PRKN: variants seen among roughly 807,000 people sequenced by gnomAD.
PRKN encodes parkin RBR E3 ubiquitin protein ligase.
In PRKN, 56 loss-of-function variants were observed where a neutral mutation model predicts 59.5. That is an observed-to-expected ratio of 0.94 (90% CI 0.76 to 1.18). PRKN has a LOEUF of 1.18. Among genes scored for constraint, PRKN ranks in the 50% most tolerant of loss-of-function variants. The pLI, the probability that PRKN is intolerant of heterozygous loss-of-function variation, is 0.00. For missense variants in PRKN, 657 were observed against 596.4 expected (o/e 1.10, Z -1.06); for synonymous variants, 250 against 222.1 (o/e 1.13, Z -1.12).
chr6:162,237,356 C>A (rs1778782062), intron 3 of PRKN, among the ~76,000 whole-genome samples: 1 of 152,110 alleles, frequency 6.6e-6, no homozygotes, highest in South Asian at 2.1e-4. Context: ...CAAAACAGCA[C>A]CACCACCACC....
At chr6:161,947,127 C>T (rs916969871) in intron 6 of PRKN, among the ~76,000 whole-genome samples, 7 of 151,398 alleles carry the variant, frequency 4.6e-5, no homozygotes, top group South Asian at 2.1e-4. Context: ...AATGTTTATA[C>T]GTGTTATATG....
chr6:161,743,648 C>G (rs1450331693), intron 7 of PRKN, among the ~76,000 whole-genome samples: 1 of 152,174 alleles, frequency 6.6e-6, no homozygotes, highest in East Asian at 1.9e-4. Context: ...TAAGTCCCTG[C>G]AAGGCCGGGA....
At chr6:162,425,157 CT>C (rs1789171545) in intron 2 of PRKN, among the ~76,000 whole-genome samples, 1 of 152,002 alleles carries the variant, frequency 6.6e-6, no homozygotes, top group Non-Finnish European at 1.5e-5. Flanking sequence ...CAGAGATCTG[CT>C]CTTCCTTCGA....
intron 3 of PRKN, among the ~76,000 whole-genome samples, chr6:162,246,980 ATAT>A (rs1271706666): frequency 6.6e-6 from 1 of 152,140 alleles, no homozygotes; most frequent in Non-Finnish European, 1.5e-5. Flanking sequence ...AACAGACATA[ATAT>A]TTAGTTTACA....
intron 9 of PRKN, among the ~76,000 whole-genome samples, chr6:161,482,930 T>C (rs1791476537): frequency 6.6e-6 from 1 of 152,250 alleles, no homozygotes. Flanking sequence ...CTGTGGCATA[T>C]TTAATGTTTC....
intron 1 of PRKN, among the ~76,000 whole-genome samples, chr6:162,719,159 T>C (rs940659396): frequency 6.6e-6 from 1 of 152,208 alleles, no homozygotes; most frequent in Non-Finnish European, 1.5e-5. Flanking sequence ...ATAAAACACA[T>C]ATACTTCCCA....
At chr6:162,140,889 G>A (rs1781749779) in intron 4 of PRKN, among the ~76,000 whole-genome samples, 1 of 152,166 alleles carries the variant, frequency 6.6e-6, no homozygotes, top group East Asian at 1.9e-4. Context: ...AGCTCTTTGG[G>A]AGGCCGAGGC....
chr6:162,156,204 C>A (rs79252033), intron 4 of PRKN, among the ~76,000 whole-genome samples: 2,736 of 152,216 alleles, frequency 0.018, 81 homozygotes, highest in African/African-American at 0.061. Flanking sequence ...CTGAATAGGC[C>A]ACTGAATAAT....
At chr6:162,327,086 C>G (rs532302911) in intron 2 of PRKN, among the ~76,000 whole-genome samples, 2 of 152,258 alleles carry the variant, frequency 1.3e-5, no homozygotes, top group South Asian at 4.1e-4. Flanking sequence ...AGGATTTAAA[C>G]AATGCTCATC....
At chr6:162,320,615 A>G (rs886750837) in intron 2 of PRKN, among the ~76,000 whole-genome samples, 1 of 151,768 alleles carries the variant, frequency 6.6e-6, no homozygotes, top group Non-Finnish European at 1.5e-5. Flanking sequence ...TGGCCAGGAT[A>G]TTGTGCTGCT....
intron 7 of PRKN, among the ~76,000 whole-genome samples, chr6:161,657,946 G>A (rs1456200424): frequency 6.8e-6 from 1 of 146,604 alleles, no homozygotes; most frequent in Non-Finnish European, 1.5e-5. Flanking sequence ...AACCCGGGAG[G>A]AGGAGGTTGC....
chr6:161,511,505 A>C (rs1778391126), intron 9 of PRKN, among the ~76,000 whole-genome samples: 1 of 152,200 alleles, frequency 6.6e-6, no homozygotes, highest in African/African-American at 2.4e-5. Context: ...ATGAAGGATG[A>C]GCAAAATAAT....
intron 9 of PRKN, among the ~76,000 whole-genome samples, chr6:161,436,539 A>AT (rs1788924059): frequency 6.6e-6 from 1 of 151,624 alleles, no homozygotes; most frequent in South Asian, 2.1e-4. Flanking sequence ...ATTTTTAATG[A>AT]TTTGTAATGT....
intron 6 of PRKN, among the ~76,000 whole-genome samples, chr6:161,794,488 CA>C (rs1790760085): frequency 6.6e-6 from 1 of 152,158 alleles, no homozygotes; most frequent in East Asian, 1.9e-4. Flanking sequence ...CTCACCCCAG[CA>C]ACACTGTTCT....
chr6:161,673,158 G>T (rs1322280242), intron 7 of PRKN, among the ~76,000 whole-genome samples: 1 of 152,132 alleles, frequency 6.6e-6, no homozygotes, highest in African/African-American at 2.4e-5. Flanking sequence ...GTGAATCGTA[G>T]GGAGATGGTC....
intron 2 of PRKN, among the ~76,000 whole-genome samples, chr6:162,413,086 A>G (rs2128155517): frequency 6.6e-6 from 1 of 152,310 alleles, no homozygotes; most frequent in East Asian, 1.9e-4. Context: ...TTAAATATGA[A>G]AATTGGGGGC....
At chr6:162,160,890 C>CAAAAAAAAAAAAAA (rs56320816) in intron 4 of PRKN, among the ~76,000 whole-genome samples, 9 of 80,264 alleles carry the variant, frequency 1.1e-4, no homozygotes, top group African/African-American at 3.7e-4. Context: ...GACTCCGTCT[C>CAAAAAAAAAAAAAA]AAAAAAAAAA....
At chr6:162,543,579 A>C (rs1184448247) in intron 1 of PRKN, among the ~76,000 whole-genome samples, 1 of 152,154 alleles carries the variant, frequency 6.6e-6, no homozygotes, top group Non-Finnish European at 1.5e-5. Flanking sequence ...CGGCAAAACA[A>C]AAGGACCTTC....
intron 6 of PRKN, among the ~76,000 whole-genome samples, chr6:161,894,378 T>C (rs1179875498): frequency 4.6e-5 from 7 of 152,218 alleles, no homozygotes; most frequent in Admixed American, 4.6e-4. Context: ...CATATTAACC[T>C]TCCTCAATCA....
Sources: allele counts gnomAD v4.1 joint callset (sites outside exome capture counted in the v4.1 genomes callset), GRCh38; gene constraint gnomAD v4.1.1; transcripts MANE v1.5; gene names NCBI Gene and HGNC (gene_info 2026-07-23, HGNC 2026-07-21).